Variants in ROBO2 observed in about 807,000 individuals in gnomAD.
ROBO2 encodes the protein roundabout guidance receptor 2, also known as roundabout homolog 2.
A neutral mutation model predicts 160.8 loss-of-function variants in ROBO2; 53 were observed. The ratio of observed to expected loss-of-function variants is 0.33; its 90% confidence interval spans 0.26 to 0.41. The LOEUF (loss-of-function observed/expected upper bound fraction) is 0.41, where lower values mean the gene tolerates loss of function less well. ROBO2 is among the 10% of genes least tolerant of loss of function. The pLI, the probability that ROBO2 is intolerant of heterozygous loss-of-function variation, is 1.00. For missense variants in ROBO2, 1,577 were observed against 1,722.4 expected (o/e 0.92, Z 1.49); for synonymous variants, 664 against 611.7 (o/e 1.09, Z -1.26).
At position 76,959,818 on chromosome 3, in the gene ROBO2, T is replaced by C. The variant is rs532577096; in HGVS notation, c.110-138196T>C. Among the ~76,000 whole-genome samples, 9 of 152,230 alleles carry C rather than the reference T, an allele frequency of 5.9e-5. No individual in the cohort carries two copies. In the South Asian group the frequency reaches 1.4e-3, roughly 25 times the overall value. On this transcript the variant is annotated intron_variant, in intron 2 of 26. Coordinates refer to the ROBO2 transcript ENST00000487694. ...TTTGAAGTTGACTAAAGGGAGTTGT[T>C]AGCTTGTAAGAATAAAGTCATTATT...
At chr3:76,986,248 A>G (rs1379048771) in intron 2 of ROBO2, among the ~76,000 whole-genome samples, 1 of 152,164 alleles carries the variant, frequency 6.6e-6, no homozygotes, top group Admixed American at 6.5e-5. Flanking sequence ...ATAAAAATCT[A>G]AGTTACATAA....
intron 2 of ROBO2, among the ~76,000 whole-genome samples, chr3:76,054,002 A>T (rs1228876374): frequency 6.6e-6 from 1 of 152,128 alleles, no homozygotes; most frequent in Non-Finnish European, 1.5e-5. Context: ...TAACAATGTG[A>T]TTTATCTGTT....
intron 2 of ROBO2, among the ~76,000 whole-genome samples, chr3:76,362,769 T>C (rs1333827473): frequency 1.3e-5 from 2 of 152,044 alleles, no homozygotes; most frequent in African/African-American, 4.8e-5. Context: ...TTTGAGTGGC[T>C]GCTGTTCCTG....
chr3:76,650,905 T>C (rs932010229), intron 2 of ROBO2, among the ~76,000 whole-genome samples: 1 of 152,194 alleles, frequency 6.6e-6, no homozygotes, highest in African/African-American at 2.4e-5. Context: ...AGTAAAAACA[T>C]GCACATTAAC....
rs957236877 is a variant in ROBO2, at chr3:76,765,338, G to A, written c.110-332676G>A. Among the ~76,000 whole-genome samples, 3 of 151,674 alleles carry A rather than the reference G, an allele frequency of 2.0e-5. No individual in the cohort carries two copies. The East Asian group carries it at 5.9e-4, about 30-fold the overall frequency. On this transcript the variant is annotated intron_variant, in intron 2 of 26. Coordinates refer to the ROBO2 transcript ENST00000487694. ...GAAAAACTTTTCATTAAGTTTCTTA[G>A]TAGAAGGGTCAGAATTTAGTGGGGT... is the stretch of plus-strand genomic sequence containing the variant.
chr3:76,886,687 T>TC (rs2073916675), intron 2 of ROBO2, among the ~76,000 whole-genome samples: 1 of 151,836 alleles, frequency 6.6e-6, no homozygotes, highest in Non-Finnish European at 1.5e-5. Context: ...TGACTAGAAA[T>TC]CAGGATGACT....
chr3:76,468,528 T>A (rs2078479470), intron 2 of ROBO2, among the ~76,000 whole-genome samples: 1 of 152,066 alleles, frequency 6.6e-6, no homozygotes. Flanking sequence ...TCAGTCTTTC[T>A]CTCTCCACTT....
chr3:76,028,315 A>G (rs2066809090), intron 2 of ROBO2, among the ~76,000 whole-genome samples: 1 of 151,966 alleles, frequency 6.6e-6, no homozygotes, highest in Non-Finnish European at 1.5e-5. Flanking sequence ...TCATAGGCTC[A>G]AATTATCTAT....
chr3:76,149,182 G>A (rs1188897669), intron 2 of ROBO2, among the ~76,000 whole-genome samples: 1 of 152,002 alleles, frequency 6.6e-6, no homozygotes, highest in Non-Finnish European at 1.5e-5. Context: ...TAAAATACAA[G>A]CTGGGTATGA....
At chr3:76,708,856 G>T (rs886481788) in intron 2 of ROBO2, among the ~76,000 whole-genome samples, 1 of 152,156 alleles carries the variant, frequency 6.6e-6, no homozygotes, top group African/African-American at 2.4e-5. Context: ...AGTGGGAATA[G>T]AGGGAAGGGC....
chr3:77,241,665 G>A (rs746778136), intron 2 of ROBO2, among the ~76,000 whole-genome samples: 10 of 152,114 alleles, frequency 6.6e-5, no homozygotes, highest in Non-Finnish European at 8.8e-5. Context: ...GAGAAAATTC[G>A]GGTGCAGACA....
intron 5 of ROBO2, among the ~76,000 whole-genome samples, chr3:77,498,004 T>G (rs1357246846): frequency 6.6e-6 from 1 of 152,126 alleles, no homozygotes; most frequent in Non-Finnish European, 1.5e-5. Context: ...AAAAAATCCC[T>G]CTCAGAACTT....
intron 1 of ROBO2, among the ~76,000 whole-genome samples, chr3:75,916,751 G>A (rs939647456): frequency 2.6e-5 from 4 of 151,832 alleles, no homozygotes; most frequent in Non-Finnish European, 4.4e-5. Flanking sequence ...GAAGATAAAG[G>A]GGGAGATAAT....
At chr3:77,585,048 G>A (rs550180284) in intron 16 of ROBO2, among the ~76,000 whole-genome samples, 40 of 150,582 alleles carry the variant, frequency 2.7e-4, no homozygotes, top group African/African-American at 9.2e-4. Context: ...ATATCTTTAT[G>A]AAATGGATTG....
intron 2 of ROBO2, among the ~76,000 whole-genome samples, chr3:76,513,228 T>C (rs1216266998): frequency 6.6e-6 from 1 of 152,214 alleles, no homozygotes; most frequent in East Asian, 1.9e-4. Flanking sequence ...GCAGGCCACA[T>C]TGTTTTAACT....
At chr3:77,614,256 C>T (rs1047648375) in intron 21 of ROBO2, among the ~76,000 whole-genome samples, 3 of 152,110 alleles carry the variant, frequency 2.0e-5, no homozygotes, top group Admixed American at 2.0e-4. Context: ...CAGTGAGTTA[C>T]AATATTTTAA....
At chr3:77,029,521 T>C (rs919040418) in intron 2 of ROBO2, among the ~76,000 whole-genome samples, 1 of 152,226 alleles carries the variant, frequency 6.6e-6, no homozygotes, top group African/African-American at 2.4e-5. Context: ...TTTGCTGCCA[T>C]AGGCAATTGT....
chr3:76,153,369 C>T (rs2072280648), intron 2 of ROBO2, among the ~76,000 whole-genome samples: 1 of 152,142 alleles, frequency 6.6e-6, no homozygotes, highest in African/African-American at 2.4e-5. Flanking sequence ...TTATGTTTGA[C>T]TTCCGTTTCA....
intron 2 of ROBO2, among the ~76,000 whole-genome samples, chr3:76,794,721 C>T (rs1323828127): frequency 2.6e-5 from 4 of 152,046 alleles, no homozygotes; most frequent in Admixed American, 1.3e-4. Context: ...ATTCTGGTGT[C>T]GATCTATTTA....
Sources: allele counts gnomAD v4.1 joint callset (sites outside exome capture counted in the v4.1 genomes callset), GRCh38; gene constraint gnomAD v4.1.1; transcripts MANE v1.5; gene names NCBI Gene and HGNC (gene_info 2026-07-23, HGNC 2026-07-21).